The following CXADR variants were observed in gnomAD, a reference collection of about 807,000 sequenced individuals.
The protein encoded by CXADR is CXADR cell adhesion molecule, also known as coxsackievirus and adenovirus receptor.
A neutral mutation model predicts 40.3 loss-of-function variants in CXADR; 20 were observed. The observed-to-expected ratio is 0.50, with a 90% CI of 0.35 to 0.72. The LOEUF is 0.72. CXADR is among the 30% of genes least tolerant of loss of function. The pLI is 0.01. For missense variants in CXADR, 332 were observed against 449.1 expected, an observed-to-expected ratio of 0.74 and a Z score of 2.36; for synonymous variants, 150 against 161.3, an observed-to-expected ratio of 0.93 and a Z score of 0.53.
downstream of CXADR, chr21:17,593,919 TA>T (rs1569168192): frequency 1.2e-6 from 1 of 835,338 alleles, no homozygotes; most frequent in Non-Finnish European, 1.8e-6. Flanking sequence ...TATCAATATC[TA>T]AAGTGCATAT....
chr21:17,553,741 C>T (rs916495468), intron 3 of CXADR, among the ~76,000 whole-genome samples: 12 of 151,798 alleles, frequency 7.9e-5, no homozygotes, highest in African/African-American at 1.7e-4. Flanking sequence ...CTTGTCTTGC[C>T]GTCCTGATTA....
downstream of CXADR, among the ~76,000 whole-genome samples, chr21:17,595,884 T>C (rs2061498105): frequency 6.6e-6 from 1 of 152,004 alleles, no homozygotes. Flanking sequence ...AGTGGTACTA[T>C]TTTACATGAC....
the CXADR span, among the ~76,000 whole-genome samples, chr21:17,621,269 A>G: frequency 5.9e-5 from 9 of 152,134 alleles, no homozygotes; most frequent in Middle Eastern, 3.2e-3. Flanking sequence ...AACCACATAA[A>G]GCATGCTTTT....
chr21:17,566,577 A>G lies in CXADR; in HGVS notation c.*885A>G, dbSNP rs1451672954. On this transcript the variant is annotated 3_prime_UTR_variant, in exon 7 of 7. Coordinates refer to ENST00000284878, the MANE Select transcript of CXADR (RefSeq NM_001338.5). The stretch of plus-strand genomic sequence containing the variant: ...ATATTTTTCTTATTAGAAAAATATT[A>G]TAACTCATTTGTTGTTTGACACTTA... 10 of 981,934 alleles carry G rather than the reference A, an allele frequency of 1.0e-5. No individual in the cohort carries two copies. In the Admixed American group the frequency reaches 1.8e-4, roughly 18 times the overall value. The allele number at this position is 981,934 out of a possible 1,614,324, so 60.8% of individuals were successfully genotyped here. A position where few individuals can be genotyped will look rare whatever the true frequency, so the allele number is the denominator to read the frequency against.
the CXADR span, among the ~76,000 whole-genome samples, chr21:17,618,715 T>A: frequency 6.6e-6 from 1 of 152,050 alleles, no homozygotes; most frequent in Non-Finnish European, 1.5e-5. Context: ...TTTTGTATTT[T>A]TAGAAGAGAC....
the CXADR span, among the ~76,000 whole-genome samples, chr21:17,626,339 T>C: frequency 1.3e-5 from 2 of 152,224 alleles, 1 homozygote; most frequent in Non-Finnish European, 2.9e-5. Flanking sequence ...AGCAGTTTTT[T>C]CTCAAAATTG....
chr21:17,574,998 C>CATACATACATACAT (rs144927360), downstream of CXADR, among the ~76,000 whole-genome samples: 1 of 38,052 alleles, frequency 2.6e-5, no homozygotes, highest in Admixed American at 2.8e-4. Context: ...TATATACACA[C>CATACATACATACAT]ACATACATAC....
At chr21:17,530,440 C>G (rs2060658794) in intron 1 of CXADR, 1 of 455,658 alleles carries the variant, frequency 2.2e-6, no homozygotes, top group Non-Finnish European at 4.4e-6. Flanking sequence ...GTGTGATATT[C>G]TATTATGTGA....
At chr21:17,584,693 T>G (rs1220780833) in intron 7 of CXADR, among the ~76,000 whole-genome samples, 1 of 152,148 alleles carries the variant, frequency 6.6e-6, no homozygotes, top group Non-Finnish European at 1.5e-5. Flanking sequence ...TAGCTGGACA[T>G]GGTGGCGGGC....
the CXADR span, among the ~76,000 whole-genome samples, chr21:17,629,387 CAAAA>C: frequency 2.0e-4 from 16 of 80,582 alleles, no homozygotes; most frequent in East Asian, 3.4e-3. Flanking sequence ...GACTGTGTCT[CAAAA>C]AAAAAAAAAA....
the CXADR span, chr21:17,604,765 G>A: frequency 7.2e-7 from 1 of 1,395,958 alleles, no homozygotes; most frequent in East Asian, 2.5e-5. Context: ...CCAGCTCCTG[G>A]CCATAAAGAT....
At chr21:17,628,667 A>AT in the CXADR span, among the ~76,000 whole-genome samples, 2 of 151,960 alleles carry the variant, frequency 1.3e-5, no homozygotes, top group Non-Finnish European at 2.9e-5. Flanking sequence ...CGCCCAGCTA[A>AT]TTTTTTTGTA....
chr21:17,556,528 T>C (rs547036115), intron 3 of CXADR, among the ~76,000 whole-genome samples: 170 of 152,350 alleles, frequency 1.1e-3, no homozygotes, highest in African/African-American at 4.0e-3. Context: ...CATAGATGTT[T>C]GATGCACAAA....
chr21:17,513,125 C>T lies in CXADR; in HGVS notation c.-5C>T. The T allele has an allele frequency of 1.5e-6, 2 of 1,357,186 alleles. No homozygotes were observed. Among genetic ancestry groups the T allele is most frequent in the Non-Finnish European group, 1.9e-6 (2 of 1,051,648 alleles). 84.1% of individuals were successfully genotyped at this position (1,357,186 alleles called of 1,614,324 possible). On this transcript the variant is annotated 5_prime_UTR_variant, in exon 1 of 7. Transcript: ENST00000284878. ...GCAGCCGCCGCCCACGGCACGGCAGCCACCATGGCGCTCCTGCTGTGCTTC... is the reference window on the plus strand; with the variant it reads ...GCAGCCGCCGCCCACGGCACGGCAGTCACCATGGCGCTCCTGCTGTGCTTC...
At chr21:17,520,225 A>G (rs2060513847) in intron 1 of CXADR, among the ~76,000 whole-genome samples, 2 of 152,198 alleles carry the variant, frequency 1.3e-5, no homozygotes, top group Admixed American at 1.3e-4. Flanking sequence ...ATAGAACATG[A>G]CATTGCAAGT....
intron 1 of CXADR, among the ~76,000 whole-genome samples, chr21:17,540,484 AAGTC>A (rs1237554821): frequency 6.6e-6 from 1 of 152,172 alleles, no homozygotes; most frequent in Non-Finnish European, 1.5e-5. Context: ...ATATGAGTGA[AAGTC>A]AGCATTACTC....
At chr21:17,585,292 C>T (rs1469286713) in intron 7 of CXADR, among the ~76,000 whole-genome samples, 2 of 152,038 alleles carry the variant, frequency 1.3e-5, no homozygotes, top group Non-Finnish European at 2.9e-5. Context: ...AAATCAATTA[C>T]AGCACATACA....
chr21:17,598,865 T>G, the CXADR span: 1 of 1,515,174 alleles, frequency 6.6e-7, no homozygotes, highest in South Asian at 1.2e-5. Context: ...TGAAGTCACA[T>G]CAGCAAAGCA....
At chr21:17,546,894 A>T (rs1036394422) in intron 1 of CXADR, 133 bp from the exon 2 acceptor site, 64 of 959,440 alleles carry the variant, frequency 6.7e-5, no homozygotes, top group Non-Finnish European at 9.8e-5. Context: ...TTGAGTTTGG[A>T]CTCCATTCCT....
Sources: allele counts gnomAD v4.1 joint callset (sites outside exome capture counted in the v4.1 genomes callset), GRCh38; gene constraint gnomAD v4.1.1; transcripts MANE v1.5; gene names NCBI Gene and HGNC (gene_info 2026-07-23, HGNC 2026-07-21).